ZDHHC18: variants seen among roughly 807,000 people sequenced by gnomAD.
ZDHHC18 encodes the protein zDHHC palmitoyltransferase 18.
ZDHHC18 carries 23 observed loss-of-function variants against 37.5 expected under a neutral mutation model. The observed-to-expected ratio is 0.61, with a 90% confidence interval of 0.44 to 0.87. The LOEUF (loss-of-function observed/expected upper bound fraction) is 0.87, where lower values mean the gene tolerates loss of function less well. ZDHHC18 is among the 40% of genes least tolerant of loss of function. ZDHHC18 has a pLI of 0.00. For missense variants in ZDHHC18, 406 were observed against 525.6 expected, an observed-to-expected ratio of 0.77 and a Z score of 2.22; for synonymous variants, 185 against 218.7, an observed-to-expected ratio of 0.85 and a Z score of 1.36.
At chr1:26,845,085 C>T (rs528733380) in intron 2 of ZDHHC18, among the ~76,000 whole-genome samples, 11 of 151,860 alleles carry the variant, frequency 7.2e-5, no homozygotes, top group Non-Finnish European at 1.2e-4. Flanking sequence ...CCACCATGCC[C>T]GGCTAATTTT....
intron 6 of ZDHHC18, 74 bp from the exon 7 acceptor site, chr1:26,852,679 C>T (rs2081711612): frequency 7.5e-7 from 1 of 1,331,264 alleles, no homozygotes; most frequent in Non-Finnish European, 1.1e-6. Flanking sequence ...CAGTTGTCCC[C>T]AGCCTCTAGA....
chr1:26,833,453 A>C (rs946005902), intron 2 of ZDHHC18, among the ~76,000 whole-genome samples: 5 of 151,996 alleles, frequency 3.3e-5, no homozygotes, highest in Admixed American at 3.3e-4. Context: ...CTCTAGGAGG[A>C]GGCGGCACTG....
intron 7 of ZDHHC18, chr1:26,853,074 T>C: frequency 1.9e-6 from 1 of 521,936 alleles, no homozygotes; most frequent in Non-Finnish European, 3.4e-6. Flanking sequence ...GTACAAAACG[T>C]AAAACAGAGG....
In ZDHHC18 at chr1:26,826,990, C is replaced by T. The variant is rs1469163749; in HGVS notation, c.186C>T (p.Leu62=). Reference sequence around the variant, plus strand: ...GCAGCGGCAGCGGGAGCGGGAGCCTCGGCCGCCGCCCACGGCGCAAGTGGG... The same window carrying T: ...GCAGCGGCAGCGGGAGCGGGAGCCTTGGCCGCCGCCCACGGCGCAAGTGGG... ...GSGSGSGSGS[L]GRRPRRKWEV... Residue 62 remains leucine, a synonymous_variant, in exon 1 of 8, where the codon CTC becomes CTT. Transcript: ENST00000374142. The surrounding 1 kb of genome is among the most constrained non-coding windows in gnomAD (Gnocchi z 5.2). The T allele has an allele frequency of 3.3e-6, 4 of 1,228,528 alleles. No homozygotes were observed. Among genetic ancestry groups the T allele is most frequent in the Non-Finnish European group, 4.1e-6 (4 of 986,048 alleles). The allele number at this position is 1,228,528 out of a possible 1,614,324, so 76.1% of individuals were successfully genotyped here.
chr1:26,832,657 C>T, intron 2 of ZDHHC18, 50 bp downstream of exon 2: 2 of 1,595,340 alleles, frequency 1.3e-6, no homozygotes, highest in Non-Finnish European at 1.7e-6. Context: ...CTCCACATTC[C>T]CTGACTTGGG....
At chr1:26,840,661 T>C (rs904648324) in intron 2 of ZDHHC18, among the ~76,000 whole-genome samples, 3 of 152,082 alleles carry the variant, frequency 2.0e-5, no homozygotes, top group Admixed American at 2.0e-4. Context: ...AGGCTGGTCT[T>C]GAACTCCTGA....
chr1:26,852,359 C>T (rs17279224), intron 6 of ZDHHC18, among the ~76,000 whole-genome samples: 7,616 of 152,286 alleles, frequency 0.05, 264 homozygotes, highest in Non-Finnish European at 0.078. Context: ...TCCCTGTTTT[C>T]CAAATGAGGA....
At position 26,851,201 on chromosome 1, in the gene ZDHHC18, C is replaced by T. The variant is rs184688847; in HGVS notation, c.906C>T (p.Leu302=). 2.3e-5 allele frequency: 37 copies of T among 1,614,216 alleles called. No homozygotes were observed. Among genetic ancestry groups the T allele is most frequent in the African/African-American group, 1.3e-4 (10 of 75,070 alleles). Residue 302 remains leucine (L), a synonymous_variant, in exon 6 of 8, where the codon CTC becomes CTT. Coordinates refer to ENST00000374142, the MANE Select transcript of ZDHHC18 (RefSeq NM_032283.3). ...GCCTCTCAGGGTTTCACACGTACCT[C>T]GTCGCCTCCAACCTGACTACTAATG... ...ILGLSGFHTY[L]VASNLTTNED...
chr1:26,826,880 G>A lies in ZDHHC18; in HGVS notation c.76G>A (p.Gly26Ser). 5 of 980,354 alleles carry A rather than the reference G, an allele frequency of 5.1e-6. No individual in the cohort carries two copies. The highest frequency in any genetic ancestry group is 6.0e-6 in the Non-Finnish European group (5 of 828,118). 60.7% of individuals were successfully genotyped at this position (980,354 alleles called of 1,614,324 possible). A position where few individuals can be genotyped will look rare whatever the true frequency, so the allele number is the denominator to read the frequency against. ...LPASPGARRP[G>S]PAASPTPGPG... ...CGCCTCCCCGGGGGCGCGCCGTCCCGGCCCCGCCGCGTCCCCGACTCCGGG... is the reference window on the plus strand; with the variant it reads ...CGCCTCCCCGGGGGCGCGCCGTCCCAGCCCCGCCGCGTCCCCGACTCCGGG... The change falls in exon 1 of 8, where the codon GGC becomes AGC. Residue 26 changes from glycine to serine, a missense_variant. By Grantham distance (56) the Gly-to-Ser change is moderately conservative. Coordinates refer to ENST00000374142, the MANE Select transcript of ZDHHC18 (RefSeq NM_032283.3). The surrounding 1 kb of genome is among the most constrained non-coding windows in gnomAD (Gnocchi z 5.2).
At position 26,827,075 on chromosome 1, in the gene ZDHHC18, G is replaced by C. The variant is rs2081561021; in HGVS notation, c.271G>C (p.Gly91Arg). 1 of 1,389,546 alleles carries C rather than the reference G, an allele frequency of 7.2e-7. No individual in the cohort carries two copies. Among genetic ancestry groups the C allele is most frequent in the Non-Finnish European group, 9.3e-7 (1 of 1,071,952 alleles). 86.1% of individuals were successfully genotyped at this position (1,389,546 alleles called of 1,614,324 possible). Reference sequence around the variant, plus strand: ...CGGCCGCCTCATGCTGGCCGGCCACGGCGGCGTCTTCGCGCTCACGCTGCT... The same window carrying C: ...CGGCCGCCTCATGCTGGCCGGCCACCGCGGCGTCTTCGCGCTCACGCTGCT... ...CGGRLMLAGH[G>R]GVFALTLLLI... Residue 91 changes from glycine (G) to arginine (R), a missense_variant, in exon 1 of 8, where the codon GGC (glycine) becomes CGC (arginine). Physicochemically the swap from Gly to Arg is moderately radical, Grantham distance 125. Coordinates refer to ENST00000374142, the MANE Select transcript of ZDHHC18 (RefSeq NM_032283.3).
intron 1 of ZDHHC18, among the ~76,000 whole-genome samples, chr1:26,830,817 T>C (rs1384678420): frequency 6.6e-6 from 1 of 152,130 alleles, no homozygotes; most frequent in Non-Finnish European, 1.5e-5. Context: ...AGTTTTGCTC[T>C]TGTTGCCTAG....
chr1:26,853,072 C>T (rs964005777), intron 7 of ZDHHC18: 42 of 523,636 alleles, frequency 8.0e-5, no homozygotes, highest in South Asian at 7.0e-5. Flanking sequence ...AAGTACAAAA[C>T]GTAAAACAGA....
At position 26,853,787 on chromosome 1, in the gene ZDHHC18, G is replaced by A. The variant is rs778708033; in HGVS notation, c.1111G>A (p.Asp371Asn). Residue 371 changes from aspartate (D) to asparagine (N), a missense_variant, in exon 8 of 8, where the codon GAT (aspartate) becomes AAT (asparagine). Transcript: ENST00000374142. ...CGTGTTGCCCTCACCCATCAGAAGC[G>A]ATGAGCCAGCCTGCAGAGCCAAGCC... is the stretch of plus-strand genomic sequence containing the variant. Reference protein sequence around the residue: ...DTVLPSPIRSDEPACRAKPDA... With the variant: ...DTVLPSPIRSNEPACRAKPDA... The A allele has an allele frequency of 5.0e-6, 8 of 1,614,062 alleles. No individual in the cohort carries two copies. Among genetic ancestry groups the A allele is most frequent in the Middle Eastern group, 1.6e-4 (1 of 6,062 alleles).
chr1:26,832,728 G>C, intron 2 of ZDHHC18, 121 bp downstream of exon 2: 1 of 1,259,542 alleles, frequency 7.9e-7, no homozygotes, highest in South Asian at 1.5e-5. Context: ...TCGTGAGCAA[G>C]GCAGGCTGGA....
At chr1:26,852,286 T>C (rs943214285) in intron 6 of ZDHHC18, among the ~76,000 whole-genome samples, 3 of 152,258 alleles carry the variant, frequency 2.0e-5, no homozygotes, top group Non-Finnish European at 2.9e-5. Context: ...TTCACAGAGC[T>C]AGAGAATCTG....
Position 26,856,240 on chromosome 1 carries a change from GC to G in ZDHHC18, c.*2399del, listed in dbSNP as rs1223091312. The G allele has an allele frequency of 2.2e-6, 1 of 451,086 alleles. No homozygotes were observed. Among genetic ancestry groups the G allele is most frequent in the Non-Finnish European group, 4.5e-6 (1 of 222,760 alleles). 27.9% of individuals were successfully genotyped at this position (451,086 alleles called of 1,614,324 possible). On this transcript the variant is annotated 3_prime_UTR_variant, in exon 8 of 8. Transcript: ENST00000374142. This position sits in a 1 kb window ranked among gnomAD's most constrained non-coding sequence, Gnocchi z 5.2. ...TGCACAGCCTGAGGGGAGCTAACAG[GC>G]CTCTTTGCAGAGGGTTAGCTGGTAA...
At chr1:26,846,313 T>TA (rs2081665993) in intron 2 of ZDHHC18, among the ~76,000 whole-genome samples, 1 of 39,484 alleles carries the variant, frequency 2.5e-5, no homozygotes, top group African/African-American at 1.3e-4. Flanking sequence ...TATATATATT[T>TA]TTTTTTTTTT....
rs1318191682 is a variant in ZDHHC18 at position 26,853,782 on chromosome 1, G to GAAGCGATGAGCCAGCCTGCAGAGCC, written c.1111_1135dup (p.Pro379ArgfsTer2). 10 of 1,613,968 alleles carry GAAGCGATGAGCCAGCCTGCAGAGCC rather than the reference G, an allele frequency of 6.2e-6. No individual in the cohort carries two copies. The African/African-American group carries it at 8.0e-5, about 13-fold the overall frequency. ...GACACCGTGTTGCCCTCACCCATCA[G>GAAGCGATGAGCCAGCCTGCAGAGCC]AAGCGATGAGCCAGCCTGCAGAGCC... On this transcript the variant is annotated frameshift_variant, in exon 8 of 8. Transcript: ENST00000374142. LOFTEE classifies it high-confidence loss of function.
chr1:26,852,519 C>T (rs559308170), intron 6 of ZDHHC18, among the ~76,000 whole-genome samples: 8 of 152,192 alleles, frequency 5.3e-5, no homozygotes, highest in African/African-American at 9.7e-5. Flanking sequence ...TCATCCGAAA[C>T]GTTTCCTCTG....
Sources: allele counts gnomAD v4.1 joint callset (sites outside exome capture counted in the v4.1 genomes callset), GRCh38; gene constraint gnomAD v4.1.1; non-coding constraint Gnocchi (gnomAD v3.1); transcripts MANE v1.5; gene names NCBI Gene and HGNC (gene_info 2026-07-23, HGNC 2026-07-21).